DEAF1: variants seen among roughly 807,000 people sequenced by gnomAD.
DEAF1 encodes the protein deformed epidermal autoregulatory factor 1 homolog.
A neutral mutation model predicts 58.9 loss-of-function variants in DEAF1; 53 were observed. The observed-to-expected ratio is 0.90, with a 90% CI of 0.72 to 1.13. The LOEUF is 1.13. Among genes scored for constraint, DEAF1 ranks in the 50% most tolerant of loss-of-function variants. The probability of loss-of-function intolerance (pLI) is 0.00; values close to 1 mark genes in which losing one functional copy is unlikely to be tolerated. For synonymous variants in DEAF1, 385 were observed against 340.4 expected, an observed-to-expected ratio of 1.13 and a Z score of -1.44; for missense variants, 685 against 791.4, an observed-to-expected ratio of 0.87 and a Z score of 1.61.
At chr11:695,812 G>A (rs1190738662), upstream of DEAF1, 2 of 1,232,302 alleles carry the variant, frequency 1.6e-6, no homozygotes, top group Non-Finnish European at 2.0e-6. Flanking sequence ...ACGGACCGGC[G>A]GGCGGGGCGG....
intron 10 of DEAF1, among the ~76,000 whole-genome samples, chr11:659,054 T>C (rs1286029186): frequency 2.0e-5 from 3 of 152,188 alleles, no homozygotes; most frequent in Non-Finnish European, 4.4e-5. Context: ...AAGTTAATAA[T>C]GTATTCATTA....
intron 4 of DEAF1, 65 bp downstream of exon 4, chr11:687,846 C>T (rs1860664256): frequency 1.2e-6 from 2 of 1,604,466 alleles, no homozygotes; most frequent in Non-Finnish European, 1.7e-6. Flanking sequence ...TTCTCAGCCC[C>T]CAATTTATGC....
rs780211842 is a variant in DEAF1, at chr11:644,560, AC to A, written c.1687del (p.Val563Ter). ...VHVAESVMEK[V>X]TV is the part of the protein sequence containing the mutation. ...GCGGCCGATGGAGCCTCACACGGTCACCTTCTCCATCACGCTTTCAGCCACG... is the reference window on the plus strand; with the variant it reads ...GCGGCCGATGGAGCCTCACACGGTCACTTCTCCATCACGCTTTCAGCCACG... On this transcript the variant is annotated frameshift_variant, in exon 12 of 12. Transcript: ENST00000382409. LOFTEE classifies it high-confidence loss of function. This position sits in a 1 kb window ranked among gnomAD's most constrained non-coding sequence, Gnocchi z 4.3. 1 of 1,612,626 alleles carries A rather than the reference AC, an allele frequency of 6.2e-7. No homozygotes were observed. Among genetic ancestry groups the A allele is most frequent in the South Asian group, 1.1e-5 (1 of 91,012 alleles).
At chr11:689,202 C>CTTTTTTT (rs34046317) in intron 2 of DEAF1, among the ~76,000 whole-genome samples, 47 of 94,174 alleles carry the variant, frequency 5.0e-4, no homozygotes, top group Non-Finnish European at 7.7e-4. Flanking sequence ...TTTTCTTTTT[C>CTTTTTTT]TTTTTTTTTT....
At chr11:685,982 A>T (rs1407121299) in intron 5 of DEAF1, among the ~76,000 whole-genome samples, 4 of 147,674 alleles carry the variant, frequency 2.7e-5, no homozygotes, top group African/African-American at 5.0e-5. Context: ...TGTCCCTATT[A>T]AAAAATACAA....
chr11:654,133 C>A, intron 10 of DEAF1, 82 bp from the exon 11 acceptor site: 1 of 1,097,472 alleles, frequency 9.1e-7, no homozygotes. Flanking sequence ...CAGGTGCAGG[C>A]AGGAGGCCCC....
At chr11:681,213 G>T (rs1218247908) in intron 6 of DEAF1, 124 bp from the exon 7 acceptor site, 2 of 1,344,654 alleles carry the variant, frequency 1.5e-6, no homozygotes, top group Admixed American at 3.5e-5. Flanking sequence ...ACATTAAGAT[G>T]GTAAGCGCCC....
intron 9 of DEAF1, 84 bp from the exon 10 acceptor site, chr11:674,867 G>T: frequency 7.6e-6 from 12 of 1,578,744 alleles, no homozygotes; most frequent in East Asian, 2.2e-5. Context: ...ATTCTCAGCC[G>T]GGCGCGGTGG....
chr11:674,873 G>T, intron 9 of DEAF1, 90 bp from the exon 10 acceptor site: 1 of 1,560,060 alleles, frequency 6.4e-7, no homozygotes, highest in Non-Finnish European at 8.7e-7. Context: ...AGCCGGGCGC[G>T]GTGGCTCACG....
chr11:653,428 GTC>G (rs1178054690), intron 11 of DEAF1, among the ~76,000 whole-genome samples: 39 of 118,332 alleles, frequency 3.3e-4, no homozygotes, highest in Non-Finnish European at 5.0e-4. Context: ...ACTGTGGACA[GTC>G]TCTCTCGCGT....
chr11:653,396 T>A (rs1858882765), intron 11 of DEAF1, among the ~76,000 whole-genome samples: 1 of 140,544 alleles, frequency 7.1e-6, no homozygotes, highest in Admixed American at 7.3e-5. Context: ...TGCAGGGGTG[T>A]GGAGGGCTCA....
chr11:694,829 G>A lies in DEAF1; in HGVS notation c.219C>T (p.Pro73=). 4.1e-6 allele frequency: 6 copies of A among 1,457,986 alleles called. No homozygotes were observed. The highest frequency in any genetic ancestry group is 2.7e-5 in the South Asian group (2 of 73,420). 90.3% of individuals were successfully genotyped at this position (1,457,986 alleles called of 1,614,324 possible). A position where few individuals can be genotyped will look rare whatever the true frequency, so the allele number is the denominator to read the frequency against. Residue 73 remains proline (P), a synonymous_variant, in exon 1 of 12, where the codon CCC becomes CCT. Transcript: ENST00000382409. ...CCTCGGCGCCCATGTCCATGTGCCCGGGCTCCGCCGCCATCACCGCCACTG... is the reference window on the plus strand; with the variant it reads ...CCTCGGCGCCCATGTCCATGTGCCCAGGCTCCGCCGCCATCACCGCCACTG... The part of the protein sequence containing the change: ...VTAVAVMAAE[P]GHMDMGAEAL...
chr11:663,700 A>T (rs1000587345), intron 10 of DEAF1, among the ~76,000 whole-genome samples: 1 of 151,104 alleles, frequency 6.6e-6, no homozygotes, highest in Non-Finnish European at 1.5e-5. Context: ...CTCTGAAGTG[A>T]ATATCAGGCT....
At chr11:695,817 G>A, upstream of DEAF1, 1 of 1,232,300 alleles carries the variant, frequency 8.1e-7, no homozygotes, top group Non-Finnish European at 1.0e-6. Context: ...CCGGCGGGCG[G>A]GGCGGGTAAG....
intron 10 of DEAF1, among the ~76,000 whole-genome samples, chr11:654,936 T>A (rs1858973021): frequency 6.6e-6 from 1 of 150,654 alleles, no homozygotes; most frequent in South Asian, 2.1e-4. Context: ...TTTAGGAGGC[T>A]GAGGTGGGCG....
chr11:682,722 G>A (rs954568575), intron 6 of DEAF1, among the ~76,000 whole-genome samples: 2 of 152,174 alleles, frequency 1.3e-5, no homozygotes, highest in Admixed American at 6.6e-5. Flanking sequence ...TGGGCAATGT[G>A]GGTTGATGGA....
intron 10 of DEAF1, among the ~76,000 whole-genome samples, chr11:672,858 AT>A (rs1481498279): frequency 4.6e-5 from 7 of 151,896 alleles, no homozygotes; most frequent in African/African-American, 9.7e-5. Context: ...AAAAAAAAAA[AT>A]TTTTTTTAAA....
At chr11:680,543 G>A (rs746686733) in intron 7 of DEAF1, among the ~76,000 whole-genome samples, 3 of 152,186 alleles carry the variant, frequency 2.0e-5, no homozygotes, top group Non-Finnish European at 2.9e-5. Flanking sequence ...CTGGGAGGCC[G>A]AGGCTGCAGC....
At chr11:648,829 A>G (rs1858620904) in intron 11 of DEAF1, among the ~76,000 whole-genome samples, 1 of 152,234 alleles carries the variant, frequency 6.6e-6, no homozygotes, top group African/African-American at 2.4e-5. Flanking sequence ...TTGAAGTGGT[A>G]CACTAGAAAA....
Sources: allele counts gnomAD v4.1 joint callset (sites outside exome capture counted in the v4.1 genomes callset), GRCh38; gene constraint gnomAD v4.1.1; non-coding constraint Gnocchi (gnomAD v3.1); transcripts MANE v1.5; gene names NCBI Gene and HGNC (gene_info 2026-07-23, HGNC 2026-07-21).